The following LARGE1 variants were observed in gnomAD, a reference collection of about 807,000 sequenced individuals.
LARGE1 encodes the protein xylosyl- and glucuronyltransferase LARGE1.
In LARGE1, 43 loss-of-function variants were observed where a neutral mutation model predicts 87.6. That is an observed-to-expected ratio of 0.49 (90% CI 0.38 to 0.63). The LOEUF (loss-of-function observed/expected upper bound fraction) is 0.63. LARGE1 is among the 30% of genes least tolerant of loss of function. The probability of loss-of-function intolerance (pLI) is 0.00; values close to 1 mark genes in which losing one functional copy is unlikely to be tolerated. For synonymous variants in LARGE1, 434 were observed against 394.6 expected (o/e 1.10, Z -1.18); for missense variants, 802 against 1,000.2 (o/e 0.80, Z 2.67).
intron 6 of LARGE1, among the ~76,000 whole-genome samples, chr22:33,438,228 G>T (rs1320377424): frequency 1.3e-5 from 2 of 152,116 alleles, no homozygotes; most frequent in African/African-American, 4.8e-5. Flanking sequence ...CGTGTGAAGA[G>T]GTAAAATCCC....
At position 33,419,722 on chromosome 22, in the gene LARGE1, G is replaced by A. The variant is rs202123717; in HGVS notation, c.892+12439C>T. 7.2e-5 allele frequency among the ~76,000 whole-genome samples: 11 copies of A among 152,086 alleles called. No individual in the cohort carries two copies. The East Asian group carries it at 1.5e-3, about 21-fold the overall frequency. ...TTTGTTTGTTTTGAGATGGAGTCTC[G>A]CTCTATTGCCCAGGCTGAAGTGTAG... On this transcript the variant is annotated intron_variant, in intron 7 of 14. Coordinates refer to ENST00000397394, the MANE Select transcript of LARGE1 (RefSeq NM_133642.5).
Position 33,331,386 on chromosome 22 carries a change from T to C in LARGE1, c.1287+6260A>G, listed in dbSNP as rs112850045. 6.3e-3 allele frequency among the ~76,000 whole-genome samples: 947 copies of C among 151,300 alleles called. 6 individuals carry two copies. The highest frequency in any genetic ancestry group is 0.022 in the African/African-American group (908 of 41,002). Reference sequence around the variant, plus strand: ...TTGTGCAGCTCTTTCTTTTCTTTCTTTCTCTCTCTCTTTCTCTTCTTATCT... The same window carrying C: ...TTGTGCAGCTCTTTCTTTTCTTTCTCTCTCTCTCTCTTTCTCTTCTTATCT... On this transcript the variant is annotated intron_variant, in intron 10 of 14. Coordinates refer to ENST00000397394, the MANE Select transcript of LARGE1 (RefSeq NM_133642.5).
intron 11 of LARGE1, among the ~76,000 whole-genome samples, chr22:33,253,493 C>A (rs533122577): frequency 6.6e-6 from 1 of 152,328 alleles, no homozygotes; most frequent in East Asian, 1.9e-4. Flanking sequence ...GGGCAGATCA[C>A]TTAAGGTCAG....
the LARGE1 span, among the ~76,000 whole-genome samples, chr22:33,121,851 A>G: frequency 6.6e-6 from 1 of 152,202 alleles, no homozygotes; most frequent in Non-Finnish European, 1.5e-5. Context: ...CATGTCTTAC[A>G]TGGCAGCAGG....
rs76256720 is a variant in LARGE1, at chr22:33,861,824, C to T, written c.-83+58171G>A. Among the ~76,000 whole-genome samples, 1,419 of 150,440 alleles carry T rather than the reference C, an allele frequency of 9.4e-3. 19 individuals carry two copies. Among genetic ancestry groups the T allele is most frequent in the African/African-American group, 0.032 (1,288 of 40,826 alleles). On this transcript the variant is annotated intron_variant, in intron 1 of 14. Coordinates refer to ENST00000397394, the MANE Select transcript of LARGE1 (RefSeq NM_133642.5). ...GGGAAGGTGACCATTCCTATGTCCT[C>T]AGTAGAAGAAAAGTGGATTTTGGGA...
chr22:33,708,349 G>A (rs1471050178), intron 2 of LARGE1, among the ~76,000 whole-genome samples: 2 of 152,126 alleles, frequency 1.3e-5, no homozygotes, highest in South Asian at 2.1e-4. Flanking sequence ...GAAGGGGGTT[G>A]TGGTGGCCAA....
intron 5 of LARGE1, among the ~76,000 whole-genome samples, chr22:33,576,372 A>G (rs145946664): frequency 2.6e-5 from 4 of 152,308 alleles, no homozygotes; most frequent in Admixed American, 2.0e-4. Context: ...CTTTGAGGAA[A>G]TAACAGTGCA....
At chr22:33,903,293 G>A (rs919418671) in intron 1 of LARGE1, among the ~76,000 whole-genome samples, 4 of 152,124 alleles carry the variant, frequency 2.6e-5, no homozygotes, top group African/African-American at 7.2e-5. Context: ...TAAGCCAAAG[G>A]GAGAGGCTTT....
chr22:33,679,482 A>C (rs2081681767), intron 2 of LARGE1, among the ~76,000 whole-genome samples: 2 of 151,912 alleles, frequency 1.3e-5, no homozygotes, highest in Non-Finnish European at 2.9e-5. Flanking sequence ...ACACACACAC[A>C]CACACACACG....
intron 11 of LARGE1, among the ~76,000 whole-genome samples, chr22:33,167,194 T>A (rs1922320621): frequency 6.6e-6 from 1 of 152,174 alleles, no homozygotes. Context: ...CTCTTGCCAC[T>A]TGAAACTGAG....
At chr22:33,764,017 T>A (rs2084820438) in intron 1 of LARGE1, among the ~76,000 whole-genome samples, 1 of 151,674 alleles carries the variant, frequency 6.6e-6, no homozygotes, top group Non-Finnish European at 1.5e-5. Context: ...GTCCAGCTAG[T>A]TTTTGTATTT....
At chr22:33,691,772 A>G (rs2082107046) in intron 2 of LARGE1, among the ~76,000 whole-genome samples, 2 of 152,196 alleles carry the variant, frequency 1.3e-5, no homozygotes, top group Admixed American at 1.3e-4. Context: ...TCTCACAGGA[A>G]GACAATGGAA....
intron 1 of LARGE1, among the ~76,000 whole-genome samples, chr22:33,831,607 T>C (rs1298387330): frequency 6.6e-6 from 1 of 152,070 alleles, no homozygotes; most frequent in Non-Finnish European, 1.5e-5. Flanking sequence ...AACCAGCGAT[T>C]GGATTGGAAA....
chr22:33,442,019 T>A (rs1002408528), intron 6 of LARGE1, among the ~76,000 whole-genome samples: 4 of 152,192 alleles, frequency 2.6e-5, no homozygotes, highest in African/African-American at 9.7e-5. Context: ...CTTACTGAAC[T>A]ATGGCTCAGG....
intron 11 of LARGE1, among the ~76,000 whole-genome samples, chr22:33,315,154 T>C (rs543131099): frequency 2.1e-4 from 32 of 152,242 alleles, no homozygotes; most frequent in South Asian, 1.7e-3. Context: ...TATTGCTGTT[T>C]ATGTGACTAG....
intron 1 of LARGE1, among the ~76,000 whole-genome samples, chr22:33,910,434 C>T (rs1186932986): frequency 6.6e-6 from 1 of 152,160 alleles, no homozygotes; most frequent in Non-Finnish European, 1.5e-5. Context: ...CCTACCCTAT[C>T]CTCCCATCTC....
chr22:33,842,607 C>T (rs1014615881), intron 1 of LARGE1, among the ~76,000 whole-genome samples: 2 of 152,164 alleles, frequency 1.3e-5, no homozygotes, highest in African/African-American at 4.8e-5. Flanking sequence ...GTGCAGGTGT[C>T]ACGAAACACC....
chr22:33,621,448 T>C (rs930352400), intron 4 of LARGE1, among the ~76,000 whole-genome samples: 33 of 65,978 alleles, frequency 5.0e-4, no homozygotes, highest in African/African-American at 2.6e-3. Context: ...GAAGTAAAAC[T>C]GATTTGATGT....
At chr22:33,782,788 C>T (rs2085465011) in intron 1 of LARGE1, among the ~76,000 whole-genome samples, 1 of 151,784 alleles carries the variant, frequency 6.6e-6, no homozygotes, top group African/African-American at 2.4e-5. Context: ...TCACTTGAAC[C>T]CGGGAGGTGG....
Sources: allele counts gnomAD v4.1 joint callset (sites outside exome capture counted in the v4.1 genomes callset), GRCh38; gene constraint gnomAD v4.1.1; transcripts MANE v1.5; gene names NCBI Gene and HGNC (gene_info 2026-07-23, HGNC 2026-07-21).